NRXN1: variants seen among roughly 807,000 people sequenced by gnomAD.
The protein encoded by NRXN1 is neurexin 1, also known as neurexin-1.
A neutral mutation model predicts 150.9 loss-of-function variants in NRXN1; 39 were observed. The observed-to-expected ratio is 0.26, with a 90% CI of 0.20 to 0.34. NRXN1 has a LOEUF of 0.34. NRXN1 is among the 10% of genes least tolerant of loss of function. The pLI, the probability that NRXN1 is intolerant of heterozygous loss-of-function variation, is 1.00. For synonymous variants in NRXN1, 924 were observed against 757.0 expected (o/e 1.22, Z -3.62); for missense variants, 1,815 against 1,949.9 (o/e 0.93, Z 1.30).
intron 17 of NRXN1, among the ~76,000 whole-genome samples, chr2:50,310,763 G>C (rs967451543): frequency 4.6e-5 from 7 of 152,030 alleles, no homozygotes. Flanking sequence ...AATTAGATAT[G>C]TTTATATCAT....
At chr2:50,805,327 T>C (rs1295414670) in intron 5 of NRXN1, among the ~76,000 whole-genome samples, 2 of 152,046 alleles carry the variant, frequency 1.3e-5, no homozygotes, top group Non-Finnish European at 2.9e-5. Context: ...GAATGGAAAA[T>C]GTCAAGTCAT....
chr2:50,823,747 T>C (rs1345439450), intron 5 of NRXN1, among the ~76,000 whole-genome samples: 1 of 152,226 alleles, frequency 6.6e-6, no homozygotes, highest in East Asian at 1.9e-4. Context: ...TGTCCAGTAA[T>C]TGGTTATTTA....
chr2:50,839,672 T>C (rs1672600161), intron 5 of NRXN1, among the ~76,000 whole-genome samples: 1 of 152,118 alleles, frequency 6.6e-6, no homozygotes, highest in Non-Finnish European at 1.5e-5. Flanking sequence ...TATCAGATAC[T>C]ATGAGCTAGA....
chr2:50,708,933 C>G (rs138113194), intron 5 of NRXN1, among the ~76,000 whole-genome samples: 2 of 152,170 alleles, frequency 1.3e-5, no homozygotes, highest in African/African-American at 4.8e-5. Flanking sequence ...AGGAACAAGC[C>G]TGTTGGTGCT....
intron 22 of NRXN1, among the ~76,000 whole-genome samples, chr2:49,934,113 TTTA>T (rs2104247656): frequency 6.6e-6 from 1 of 152,332 alleles, no homozygotes; most frequent in East Asian, 1.9e-4. Context: ...CTTTCAAAAT[TTTA>T]TTATGATATT....
At chr2:50,400,393 A>G (rs2082317660) in intron 17 of NRXN1, among the ~76,000 whole-genome samples, 1 of 152,032 alleles carries the variant, frequency 6.6e-6, no homozygotes, top group South Asian at 2.1e-4. Context: ...AAGGAGTGCT[A>G]TTGGGGGGTA....
intron 17 of NRXN1, among the ~76,000 whole-genome samples, chr2:50,408,029 CTTG>C (rs971218940): frequency 3.9e-5 from 6 of 152,104 alleles, no homozygotes; most frequent in African/African-American, 1.2e-4. Context: ...TCAATAAATA[CTTG>C]TTGTCCTTCC....
rs978210088 is a variant in NRXN1, at chr2:50,029,578, A to G, written c.4128+23693T>C. Among the ~76,000 whole-genome samples, 7 of 152,286 alleles carry G rather than the reference A, an allele frequency of 4.6e-5. No homozygotes were observed. In the East Asian group the frequency reaches 5.8e-4, roughly 13 times the overall value. ...TACACGCAGGAACTAAGGAAAGGCCATGTGGACACACAGCAAGATAGTGGT... is the reference window on the plus strand; with the variant it reads ...TACACGCAGGAACTAAGGAAAGGCCGTGTGGACACACAGCAAGATAGTGGT... On this transcript the variant is annotated intron_variant, in intron 21 of 22. Transcript: ENST00000401669.
intron 19 of NRXN1, among the ~76,000 whole-genome samples, chr2:50,065,389 G>GT (rs930515980): frequency 6.6e-6 from 1 of 152,078 alleles, no homozygotes; most frequent in Admixed American, 6.6e-5. Flanking sequence ...TCTTAATACC[G>GT]TGAGTCATAA....
chr2:50,436,591 A>G (rs2104415975), intron 17 of NRXN1, among the ~76,000 whole-genome samples: 1 of 152,314 alleles, frequency 6.6e-6, no homozygotes, highest in Admixed American at 6.5e-5. Context: ...CTAATCCCAG[A>G]TAGGTTTCAG....
At chr2:50,487,334 C>T (rs1041835109) in intron 15 of NRXN1, among the ~76,000 whole-genome samples, 4 of 152,036 alleles carry the variant, frequency 2.6e-5, no homozygotes, top group Admixed American at 6.5e-5. Flanking sequence ...ATTGTCCTTA[C>T]GAACAACCAA....
intron 19 of NRXN1, among the ~76,000 whole-genome samples, chr2:50,057,573 C>T (rs1333449450): frequency 6.6e-6 from 1 of 152,124 alleles, no homozygotes; most frequent in African/African-American, 2.4e-5. Flanking sequence ...TCCATGAGGC[C>T]AAGTACTATG....
intron 13 of NRXN1, among the ~76,000 whole-genome samples, chr2:50,505,731 C>A (rs753055728): frequency 1.3e-5 from 2 of 152,122 alleles, no homozygotes; most frequent in African/African-American, 4.8e-5. Flanking sequence ...GGCATGGGGA[C>A]CTCCTTCGAA....
At chr2:50,076,839 C>A (rs988070263) in intron 19 of NRXN1, among the ~76,000 whole-genome samples, 1 of 152,132 alleles carries the variant, frequency 6.6e-6, no homozygotes, top group African/African-American at 2.4e-5. Context: ...CCTAAACAGC[C>A]CTTACAGATC....
At chr2:50,704,227 T>G (rs1328771763) in intron 5 of NRXN1, among the ~76,000 whole-genome samples, 2 of 152,094 alleles carry the variant, frequency 1.3e-5, no homozygotes, top group African/African-American at 4.8e-5. Context: ...AGATTGATAC[T>G]AATCCAAATA....
chr2:50,270,676 T>G (rs1471797531), intron 17 of NRXN1, among the ~76,000 whole-genome samples: 2 of 143,004 alleles, frequency 1.4e-5, no homozygotes, highest in African/African-American at 5.9e-5. Context: ...AGATATAGTT[T>G]TTTTTTTTTT....
At chr2:50,407,055 T>G (rs777309020) in intron 17 of NRXN1, among the ~76,000 whole-genome samples, 1 of 152,174 alleles carries the variant, frequency 6.6e-6, no homozygotes, top group Non-Finnish European at 1.5e-5. Flanking sequence ...TACAGACTCA[T>G]GATAAACTTA....
chr2:50,061,701 A>G (rs1175413465), intron 19 of NRXN1, among the ~76,000 whole-genome samples: 4 of 152,196 alleles, frequency 2.6e-5, no homozygotes, highest in Non-Finnish European at 4.4e-5. Flanking sequence ...TTCTCATTGA[A>G]TAGTTAAAAG....
At chr2:50,299,988 A>G (rs949201923) in intron 17 of NRXN1, among the ~76,000 whole-genome samples, 2 of 152,214 alleles carry the variant, frequency 1.3e-5, no homozygotes, top group Non-Finnish European at 2.9e-5. Flanking sequence ...GAGCCTATCA[A>G]ATGGGCATTT....
Sources: allele counts gnomAD v4.1 joint callset (sites outside exome capture counted in the v4.1 genomes callset), GRCh38; gene constraint gnomAD v4.1.1; transcripts MANE v1.5; gene names NCBI Gene and HGNC (gene_info 2026-07-23, HGNC 2026-07-21).